ZMAT5: variants seen among roughly 807,000 people sequenced by gnomAD.
ZMAT5 encodes the protein zinc finger matrin-type protein 5.
Under a neutral mutation model 28.0 loss-of-function variants are expected in ZMAT5, and 23 were observed. The observed-to-expected ratio is 0.82, with a 90% CI of 0.59 to 1.16. The LOEUF (loss-of-function observed/expected upper bound fraction) is 1.16, where lower values mean the gene tolerates loss of function less well. Ranked by LOEUF, ZMAT5 falls within the 50% of genes most tolerant of loss-of-function variation. The pLI is 0.00. For missense variants in ZMAT5, 173 were observed against 212.7 expected (o/e 0.81, Z 1.16); for synonymous variants, 76 against 84.1 (o/e 0.90, Z 0.52).
chr22:29,761,182 A>T (rs1467959939), intron 1 of ZMAT5, among the ~76,000 whole-genome samples: 1 of 142,396 alleles, frequency 7.0e-6, no homozygotes, highest in African/African-American at 2.6e-5. Context: ...CTGAGGCAGG[A>T]GGATTGCTTG....
intron 5 of ZMAT5, among the ~76,000 whole-genome samples, chr22:29,737,648 GA>G (rs1181005161): frequency 6.6e-6 from 1 of 152,158 alleles, no homozygotes; most frequent in Non-Finnish European, 1.5e-5. Flanking sequence ...ACTGCTGGAG[GA>G]AGAGCCCAGG....
chr22:29,748,171 C>T (rs1234711199), intron 2 of ZMAT5: 5 of 540,874 alleles, frequency 9.2e-6, no homozygotes, highest in Non-Finnish European at 1.7e-5. Flanking sequence ...CCTATTTTAG[C>T]TGTTGGCTCA....
At position 29,738,365 on chromosome 22, in the gene ZMAT5, C is replaced by G. The variant is rs764448071; in HGVS notation, c.348G>C (p.Lys116Asn). The change falls in exon 5 of 6, where the codon AAG (lysine) becomes AAC (asparagine). Residue 116 changes from lysine to asparagine, a missense_variant. Physicochemically the swap from Lys to Asn is moderately conservative, Grantham distance 94. Transcript: ENST00000344318. ...GGGCTGAGCTCAGCCGCTTGGCTCT[C>G]TTCTCCAGCCAGTCCTCCAGATGGC... ...PEGHLEDWLEKRAKRLSSAPS... is the reference protein window; with the variant it reads ...PEGHLEDWLENRAKRLSSAPS... 1.9e-6 allele frequency: 3 copies of G among 1,609,650 alleles called. No individual in the cohort carries two copies. In the South Asian group the frequency reaches 3.3e-5, roughly 18 times the overall value.
chr22:29,742,576 G>T, intron 2 of ZMAT5, 96 bp from the exon 3 acceptor site: 1 of 1,126,140 alleles, frequency 8.9e-7, no homozygotes, highest in South Asian at 1.3e-5. Flanking sequence ...CCTTTATCTC[G>T]ACACAGCTGT....
chr22:29,763,451 A>T (rs1285386591), intron 1 of ZMAT5, among the ~76,000 whole-genome samples: 2 of 150,722 alleles, frequency 1.3e-5, no homozygotes, highest in African/African-American at 4.9e-5. Flanking sequence ...AAAATACAAA[A>T]ATTAGCTGGG....
chr22:29,742,352 G>T, intron 3 of ZMAT5, 66 bp downstream of exon 3: 1 of 1,538,516 alleles, frequency 6.5e-7, no homozygotes, highest in South Asian at 1.1e-5. Context: ...CTCTGCAGAG[G>T]TCCAAGTGGG....
chr22:29,734,690 C>T (rs536563375), intron 5 of ZMAT5, among the ~76,000 whole-genome samples: 2 of 152,312 alleles, frequency 1.3e-5, no homozygotes, highest in East Asian at 1.9e-4. Flanking sequence ...AAATAGCATG[C>T]GCAAGGTGCT....
intron 5 of ZMAT5, among the ~76,000 whole-genome samples, chr22:29,733,822 C>T (rs967380714): frequency 5.3e-5 from 8 of 152,234 alleles, no homozygotes; most frequent in African/African-American, 1.9e-4. Flanking sequence ...CCCCTGCCTG[C>T]CCTGAGGTCC....
chr22:29,738,627 T>A (rs1436288011), intron 4 of ZMAT5, among the ~76,000 whole-genome samples, 186 bp from the exon 5 acceptor site: 1 of 152,118 alleles, frequency 6.6e-6, no homozygotes, highest in African/African-American at 2.4e-5. Flanking sequence ...GCACTCGGCC[T>A]CGCTCTGTTT....
chr22:29,744,829 C>T (rs1220288015), intron 2 of ZMAT5, among the ~76,000 whole-genome samples: 2 of 152,202 alleles, frequency 1.3e-5, no homozygotes, highest in Admixed American at 6.5e-5. Flanking sequence ...GTTTAAAGCT[C>T]CTCGGTGACT....
intron 1 of ZMAT5, among the ~76,000 whole-genome samples, chr22:29,756,726 T>C (rs781496497): frequency 2.0e-5 from 3 of 151,024 alleles, no homozygotes; most frequent in African/African-American, 7.3e-5. Flanking sequence ...CTGGGCAACA[T>C]AGTTAGACCC....
Position 29,748,449 on chromosome 22 carries a change from C to T in ZMAT5, c.96G>A (p.Lys32=), listed in dbSNP as rs376369794. Residue 32 remains lysine (K), a synonymous_variant, in exon 2 of 6, where the codon AAG becomes AAA. Transcript: ENST00000344318. ...KKHLNGLQHL[K]AKKVWYDMFR... Reference sequence around the variant, plus strand: ...ACATGTCGTACCAGACCTTCTTGGCCTTGAGGTGCTGCAGCCCGTTCAGGT... The same window carrying T: ...ACATGTCGTACCAGACCTTCTTGGCTTTGAGGTGCTGCAGCCCGTTCAGGT... The T allele has an allele frequency of 9.5e-5, 154 of 1,614,142 alleles. No homozygotes were observed. The highest frequency in any genetic ancestry group is 1.3e-4 in the Non-Finnish European group (152 of 1,180,058).
chr22:29,742,819 C>T (rs372057956), intron 2 of ZMAT5, among the ~76,000 whole-genome samples: 2 of 152,112 alleles, frequency 1.3e-5, no homozygotes, highest in Non-Finnish European at 2.9e-5. Context: ...GACAGGGTCT[C>T]GCTCTGTCAC....
At chr22:29,760,779 C>A (rs2068149746) in intron 1 of ZMAT5, among the ~76,000 whole-genome samples, 1 of 152,102 alleles carries the variant, frequency 6.6e-6, no homozygotes, top group African/African-American at 2.4e-5. Flanking sequence ...TTATGAATAA[C>A]CTCAGGTCAC....
intron 3 of ZMAT5, 50 bp downstream of exon 3, chr22:29,742,368 C>T (rs1472022216): frequency 6.3e-7 from 1 of 1,587,578 alleles, no homozygotes; most frequent in Non-Finnish European, 8.6e-7. Context: ...GTGGGGCAGG[C>T]TGGATATCGC....
intron 1 of ZMAT5, among the ~76,000 whole-genome samples, chr22:29,754,599 A>T (rs1191634699): frequency 6.6e-6 from 1 of 152,198 alleles, no homozygotes; most frequent in African/African-American, 2.4e-5. Flanking sequence ...AGCCAGCTGC[A>T]ATGGCTCAGG....
At chr22:29,743,125 A>G (rs1274948463) in intron 2 of ZMAT5, among the ~76,000 whole-genome samples, 2 of 152,102 alleles carry the variant, frequency 1.3e-5, no homozygotes, top group Non-Finnish European at 2.9e-5. Flanking sequence ...AAATCCTGGC[A>G]CTATGGAACT....
chr22:29,748,975 C>A (rs1010658861), intron 1 of ZMAT5, among the ~76,000 whole-genome samples: 3 of 152,138 alleles, frequency 2.0e-5, no homozygotes, highest in African/African-American at 4.8e-5. Context: ...CTGTGCCTGG[C>A]TGCTGTTTGG....
chr22:29,756,500 C>G (rs868425567), intron 1 of ZMAT5, among the ~76,000 whole-genome samples: 2 of 152,170 alleles, frequency 1.3e-5, no homozygotes, highest in South Asian at 2.1e-4. Flanking sequence ...TAAGGCACAT[C>G]ATCTTTTTCC....
Sources: allele counts gnomAD v4.1 joint callset (sites outside exome capture counted in the v4.1 genomes callset), GRCh38; gene constraint gnomAD v4.1.1; transcripts MANE v1.5; gene names NCBI Gene and HGNC (gene_info 2026-07-23, HGNC 2026-07-21).